ZSCAN31: variants seen among roughly 807,000 people sequenced by gnomAD.
ZSCAN31 encodes zinc finger and SCAN domain-containing protein 31.
Under a neutral mutation model 22.5 loss-of-function variants are expected in ZSCAN31, and 14 were observed. The ratio of observed to expected loss-of-function variants is 0.62; its 90% CI spans 0.41 to 0.97. The LOEUF (loss-of-function observed/expected upper bound fraction) is 0.97. Among genes scored for constraint, ZSCAN31 ranks in the 50% least tolerant of loss-of-function variants. The pLI, the probability that ZSCAN31 is intolerant of heterozygous loss-of-function variation, is 0.00. For synonymous variants in ZSCAN31, 168 were observed against 169.8 expected (o/e 0.99, Z 0.08); for missense variants, 424 against 483.4 (o/e 0.88, Z 1.15).
At chr6:28,342,624 A>G (rs372985338) in intron 2 of ZSCAN31, among the ~76,000 whole-genome samples, 3 of 152,214 alleles carry the variant, frequency 2.0e-5, no homozygotes, top group East Asian at 1.9e-4. Flanking sequence ...TTGGATAAGA[A>G]AGAGTGTATC....
chr6:28,329,623 A>T lies in ZSCAN31; in HGVS notation c.61T>A (p.Trp21Arg), dbSNP rs746380213. 6.2e-7 allele frequency: 1 copy of T among 1,614,194 alleles called. No individual in the cohort carries two copies. The highest frequency in any genetic ancestry group is 1.7e-5 in the Admixed American group (1 of 60,032). The change falls in exon 2 of 4, where the codon TGG (tryptophan) becomes AGG (arginine). Residue 21 changes from tryptophan to arginine, a missense_variant. Trp to Arg is a moderately radical substitution (Grantham distance 101). Coordinates refer to ENST00000344279, the MANE Select transcript of ZSCAN31 (RefSeq NM_030899.5). ...KIVKVEEDPIWDQETHLRGNN... is the reference protein window; with the variant it reads ...KIVKVEEDPIRDQETHLRGNN... ...CCTCGAAGGTGGGTTTCTTGGTCCC[A>T]GATAGGGTCTTCCTCCACTTTCACA...
At chr6:28,348,541 G>A (rs537263990) in intron 2 of ZSCAN31, among the ~76,000 whole-genome samples, 1 of 152,116 alleles carries the variant, frequency 6.6e-6, no homozygotes, top group South Asian at 2.1e-4. Context: ...CATATATCAA[G>A]CATCCACACA....
At chr6:28,350,661 T>G (rs1046650927) in intron 2 of ZSCAN31, among the ~76,000 whole-genome samples, 8 of 152,238 alleles carry the variant, frequency 5.3e-5, no homozygotes, top group African/African-American at 1.9e-4. Context: ...GTGGTACTAT[T>G]ATTATTTATA....
rs181593650 is a variant in ZSCAN31, at chr6:28,346,224, T to C, written c.-370-4432A>G. Among the ~76,000 whole-genome samples, 5 of 152,102 alleles carry C rather than the reference T, an allele frequency of 3.3e-5. No individual in the cohort carries two copies. The East Asian group carries it at 9.7e-4, about 29-fold the overall frequency. On this transcript the variant is annotated intron_variant, in intron 2 of 7. Coordinates refer to the ZSCAN31 transcript ENST00000396838. ...TCACCACCCTGGCAGAAGTTGATGG[T>C]TCCAATATCAAGAGAAGGTAAGGCT...
At chr6:28,326,942 A>C in intron 3 of ZSCAN31, 88 bp from the exon 4 acceptor site, 1 of 1,241,014 alleles carries the variant, frequency 8.1e-7, no homozygotes, top group Non-Finnish European at 1.1e-6. Flanking sequence ...ATCGATATCA[A>C]ACAGACATGT....
chr6:28,352,758 A>G (rs1765124062), intron 2 of ZSCAN31, among the ~76,000 whole-genome samples: 2 of 152,144 alleles, frequency 1.3e-5, no homozygotes, highest in South Asian at 4.1e-4. Context: ...CTCTTGTGGC[A>G]GCTTATTAGG....
rs7752448 is a variant in ZSCAN31 at position 28,333,322 on chromosome 6, A to G, written c.-96+2760T>C. 0.14 allele frequency among the ~76,000 whole-genome samples: 21,655 copies of G among 152,216 alleles called. 2,123 individuals are homozygous for G. The highest frequency in any genetic ancestry group is 0.28 in the African/African-American group (11,722 of 41,498). On this transcript the variant is annotated intron_variant, in intron 1 of 3. Transcript: ENST00000344279. This position sits in a 1 kb window ranked among gnomAD's most constrained non-coding sequence, Gnocchi z 4.1. ...ATTTATTTGCTCATTTAGTCAATAAATGTTCATTGAGCACTCATAACATAC... is the reference window on the plus strand; with the variant it reads ...ATTTATTTGCTCATTTAGTCAATAAGTGTTCATTGAGCACTCATAACATAC...
At chr6:28,338,110 G>T (rs993502724), upstream of ZSCAN31, among the ~76,000 whole-genome samples, 2 of 151,634 alleles carry the variant, frequency 1.3e-5, no homozygotes, top group African/African-American at 4.9e-5. Context: ...ATTTAGAATG[G>T]AAAATAGGCC....
rs1764999409 is a variant in ZSCAN31, at chr6:28,351,323, C to T, written c.-371+2539G>A. On this transcript the variant is annotated intron_variant, in intron 2 of 7. Coordinates refer to the ZSCAN31 transcript ENST00000396838. This position sits in a 1 kb window ranked among gnomAD's most constrained non-coding sequence, Gnocchi z 4.6. ...TGTTTTCCTGCCATAGACTTCCTCC[C>T]TTCCCCACCGTGGACACCCTCCTCA... Among the ~76,000 whole-genome samples the T allele has an allele frequency of 6.6e-6, 1 of 152,160 alleles. No individual in the cohort carries two copies. The highest frequency in any genetic ancestry group is 2.4e-5 in the African/African-American group (1 of 41,420).
intron 2 of ZSCAN31, among the ~76,000 whole-genome samples, chr6:28,344,466 C>G (rs1000006131): frequency 2.0e-5 from 3 of 152,182 alleles, no homozygotes; most frequent in Non-Finnish European, 2.9e-5. Context: ...CCACATGTTC[C>G]TGTCATCCAT....
rs1561925995 is a variant in ZSCAN31, at chr6:28,349,118, CATAGGTGTATATATATGTCTCATAT to C, written c.-371+4719_-371+4743del. 6.0e-5 allele frequency among the ~76,000 whole-genome samples: 8 copies of C among 133,274 alleles called. No individual in the cohort carries two copies. The highest frequency in any genetic ancestry group is 9.7e-5 in the Non-Finnish European group (6 of 62,126). The allele number at this position is 133,274 out of a possible 152,430, so 87.4% of individuals were successfully genotyped here. On this transcript the variant is annotated intron_variant, in intron 2 of 7. Transcript: ENST00000396838. This position sits in a 1 kb window ranked among gnomAD's most constrained non-coding sequence, Gnocchi z 4.1. ...TAGGTGTATATACATGTCTCATATA[CATAGGTGTATATATATGTCTCATAT>C]ATAGGTGTATATATATGTCTCATAT... is the stretch of plus-strand genomic sequence containing the variant.
In ZSCAN31 at chr6:28,329,622, C is replaced by A; in HGVS notation, c.62G>T (p.Trp21Leu). 6.2e-7 allele frequency: 1 copy of A among 1,614,208 alleles called. No homozygotes were observed. The highest frequency in any genetic ancestry group is 8.5e-7 in the Non-Finnish European group (1 of 1,180,034). The change falls in exon 2 of 4, where the codon TGG (tryptophan) becomes TTG (leucine). Residue 21 changes from tryptophan to leucine, a missense_variant. Trp to Leu is a moderately conservative substitution (Grantham distance 61). Coordinates refer to ENST00000344279, the MANE Select transcript of ZSCAN31 (RefSeq NM_030899.5). ...KIVKVEEDPI[W>L]DQETHLRGNN... ...CCCTCGAAGGTGGGTTTCTTGGTCC[C>A]AGATAGGGTCTTCCTCCACTTTCAC...
exon 1 of ZSCAN31, chr6:28,354,135 G>C (rs960379563): frequency 3.9e-5 from 14 of 360,638 alleles, no homozygotes; most frequent in African/African-American, 3.0e-4. Context: ...GCTCACCTCT[G>C]TCTGTCTGCA....
At chr6:28,353,054 C>T (rs1321858403) in intron 2 of ZSCAN31, among the ~76,000 whole-genome samples, 6 of 151,478 alleles carry the variant, frequency 4.0e-5, no homozygotes, top group Non-Finnish European at 7.4e-5. Flanking sequence ...TTGCAACCTC[C>T]GCCTTCCGGG....
upstream of ZSCAN31, among the ~76,000 whole-genome samples, chr6:28,340,871 T>A (rs1211288908): frequency 6.6e-6 from 1 of 152,242 alleles, no homozygotes; most frequent in African/African-American, 2.4e-5. Context: ...CCCTTCAGAC[T>A]GAAGTTTTTT....
intron 2 of ZSCAN31, among the ~76,000 whole-genome samples, chr6:28,342,715 T>G (rs1301897148): frequency 2.0e-5 from 3 of 152,242 alleles, no homozygotes; most frequent in Non-Finnish European, 2.9e-5. Flanking sequence ...GGCTATTGTT[T>G]GATCCACAGT....
Position 28,329,639 on chromosome 6 carries a change from C to G in ZSCAN31, c.45G>C (p.Val15=). Residue 15 remains valine, a synonymous_variant, in exon 2 of 4, where the codon GTG becomes GTC. Coordinates refer to ENST00000344279, the MANE Select transcript of ZSCAN31 (RefSeq NM_030899.5). ...EEQYDLKIVK[V]EEDPIWDQET... is the part of the protein sequence containing the mutation. Reference sequence around the variant, plus strand: ...CTTGGTCCCAGATAGGGTCTTCCTCCACTTTCACAATCTTAAGATCGTACT... The same window carrying G: ...CTTGGTCCCAGATAGGGTCTTCCTCGACTTTCACAATCTTAAGATCGTACT... 1.2e-6 allele frequency: 2 copies of G among 1,614,126 alleles called. No homozygotes were observed. Among genetic ancestry groups the G allele is most frequent in the South Asian group, 2.2e-5 (2 of 91,080 alleles).
intron 2 of ZSCAN31, among the ~76,000 whole-genome samples, chr6:28,327,822 C>T (rs1447404835): frequency 3.3e-5 from 5 of 151,974 alleles, no homozygotes; most frequent in Non-Finnish European, 7.4e-5. Flanking sequence ...GTGAGGCAGA[C>T]GAGATGGTAT....
Position 28,326,627 on chromosome 6 carries a change from G to A in ZSCAN31, c.760C>T (p.Leu254Phe), listed in dbSNP as rs140837883. The change falls in exon 4 of 4, where the codon CTC (leucine) becomes TTC (phenylalanine). Residue 254 changes from leucine to phenylalanine, a missense_variant. By Grantham distance (22) the Leu-to-Phe change is conservative. Coordinates refer to ENST00000344279, the MANE Select transcript of ZSCAN31 (RefSeq NM_030899.5). ...GTGTGGATTCTCTGGTGCTCAATGA[G>A]TACTGAACTCTTAGTGAAGCTTTTC... ...CGKSFTKSSV[L>F]IEHQRIHTGE... 8.8e-5 allele frequency: 142 copies of A among 1,613,986 alleles called. No individual in the cohort carries two copies. The highest frequency in any genetic ancestry group is 1.2e-4 in the Non-Finnish European group (139 of 1,180,032).
Sources: gnomAD v4.1 joint callset for allele counts (sites outside exome capture counted in the v4.1 genomes callset) on GRCh38, gnomAD v4.1.1 for gene constraint, Gnocchi (gnomAD v3.1) non-coding constraint, MANE v1.5 for transcripts, NCBI Gene and HGNC (gene_info 2026-07-23, HGNC 2026-07-21) for gene names.